GPC6: variants seen among roughly 807,000 people sequenced by gnomAD.
GPC6 encodes glypican-6.
GPC6 carries 14 observed loss-of-function variants against 55.2 expected under a neutral mutation model. The ratio of observed to expected loss-of-function variants is 0.25; its 90% CI spans 0.17 to 0.40. GPC6 has a LOEUF of 0.40. Among genes scored for constraint, GPC6 ranks in the 10% least tolerant of loss-of-function variants. GPC6 has a pLI of 1.00. For missense variants in GPC6, 641 were observed against 708.5 expected, an observed-to-expected ratio of 0.90 and a Z score of 1.08; for synonymous variants, 278 against 259.6, an observed-to-expected ratio of 1.07 and a Z score of -0.68.
chr13:94,177,033 A>G (rs4142203), intron 4 of GPC6, among the ~76,000 whole-genome samples: 118,455 of 152,158 alleles, frequency 0.78, 47,430 homozygotes, highest in Middle Eastern at 0.88. Context: ...ACTTGCAAAT[A>G]TAAGGTTATA....
chr13:93,838,570 G>A (rs1887829089), intron 3 of GPC6, among the ~76,000 whole-genome samples: 1 of 152,280 alleles, frequency 6.6e-6, no homozygotes, highest in East Asian at 1.9e-4. Flanking sequence ...TGGACCACCA[G>A]CTAAGATTTT....
chr13:93,660,697 C>A (rs1308793896), intron 2 of GPC6, among the ~76,000 whole-genome samples: 1 of 152,138 alleles, frequency 6.6e-6, no homozygotes, highest in Non-Finnish European at 1.5e-5. Context: ...TAGATTTGGG[C>A]TGAGGGTGAG....
intron 4 of GPC6, among the ~76,000 whole-genome samples, chr13:94,037,203 A>G (rs538521078): frequency 2.2e-4 from 34 of 152,112 alleles, no homozygotes; most frequent in African/African-American, 7.9e-4. Context: ...AATGAAACAC[A>G]TATGTCCATT....
chr13:93,696,372 C>T (rs1235309383), intron 2 of GPC6, among the ~76,000 whole-genome samples: 1 of 152,110 alleles, frequency 6.6e-6, no homozygotes, highest in African/African-American at 2.4e-5. Context: ...AAATAATCCA[C>T]ATACTAAATA....
At chr13:94,130,645 G>A (rs940273462) in intron 4 of GPC6, among the ~76,000 whole-genome samples, 1 of 152,082 alleles carries the variant, frequency 6.6e-6, no homozygotes, top group Non-Finnish European at 1.5e-5. Context: ...ATGAAGTCAA[G>A]TAACACCCAG....
At position 94,292,812 on chromosome 13, in the gene GPC6, A is replaced by G. The variant is rs1213341599; in HGVS notation, c.1008+6333A>G. 3.9e-5 allele frequency among the ~76,000 whole-genome samples: 6 copies of G among 152,160 alleles called. No homozygotes were observed. In the South Asian group the frequency reaches 8.3e-4, roughly 21 times the overall value. The stretch of plus-strand genomic sequence containing the variant: ...AAGAAAAGATTTATTCTCACCAAGT[A>G]TGTTCATGCTTCAGTCTTGTCTCAG... On this transcript the variant is annotated intron_variant, in intron 5 of 8. Coordinates refer to ENST00000377047, the MANE Select transcript of GPC6 (RefSeq NM_005708.5).
rs552989677 is a variant in GPC6, at chr13:94,180,329, T to C, written c.878-106020T>C. Among the ~76,000 whole-genome samples, 39 of 152,322 alleles carry C rather than the reference T, an allele frequency of 2.6e-4. No homozygotes were observed. In the South Asian group the frequency reaches 7.3e-3, roughly 28 times the overall value. ...TTCTTTGGTTTGAGGCCTTACCACA[T>C]GTTTGGATCATGCTCTTCTGAATTG... On this transcript the variant is annotated intron_variant, in intron 4 of 8. Transcript: ENST00000377047.
intron 2 of GPC6, among the ~76,000 whole-genome samples, chr13:93,810,095 G>A (rs900664252): frequency 6.6e-6 from 1 of 151,988 alleles, no homozygotes; most frequent in Non-Finnish European, 1.5e-5. Context: ...TCAGGCTGGT[G>A]GCCCACCAGT....
chr13:93,940,957 A>G (rs1201519450), intron 3 of GPC6, among the ~76,000 whole-genome samples: 2 of 152,068 alleles, frequency 1.3e-5, no homozygotes, highest in Non-Finnish European at 2.9e-5. Flanking sequence ...TTTTTTCTCT[A>G]GGTGTTTGTA....
intron 3 of GPC6, among the ~76,000 whole-genome samples, chr13:94,003,442 A>G (rs1320550166): frequency 6.6e-6 from 1 of 152,234 alleles, no homozygotes; most frequent in Admixed American, 6.5e-5. Context: ...CACTGCTCTT[A>G]GCAAATAATT....
intron 6 of GPC6, among the ~76,000 whole-genome samples, chr13:94,355,300 G>A (rs916268938): frequency 8.5e-5 from 13 of 152,096 alleles, no homozygotes; most frequent in African/African-American, 2.7e-4. Context: ...TGGGATTACA[G>A]GGGTGAGCCA....
At chr13:93,515,558 TTTC>T (rs1178528417) in intron 1 of GPC6, among the ~76,000 whole-genome samples, 7 of 152,202 alleles carry the variant, frequency 4.6e-5, no homozygotes, top group Admixed American at 3.9e-4. Context: ...GAGCCTTATG[TTTC>T]TTCAATTGCA....
chr13:93,683,293 T>G (rs1205619907), intron 2 of GPC6, among the ~76,000 whole-genome samples: 1 of 152,116 alleles, frequency 6.6e-6, no homozygotes, highest in Admixed American at 6.6e-5. Flanking sequence ...ATTTCTGCTT[T>G]AATATTAAAC....
intron 1 of GPC6, among the ~76,000 whole-genome samples, chr13:93,343,258 A>G (rs1310205488): frequency 1.3e-5 from 2 of 152,062 alleles, no homozygotes; most frequent in African/African-American, 4.8e-5. Flanking sequence ...GGCAAACTCA[A>G]GGAGATATAG....
chr13:93,542,129 T>A (rs902099448), intron 1 of GPC6, among the ~76,000 whole-genome samples: 2 of 152,180 alleles, frequency 1.3e-5, no homozygotes, highest in African/African-American at 2.4e-5. Context: ...AATGCCTAGG[T>A]TTTATTCTAG....
chr13:93,610,450 G>A (rs1878415816), intron 2 of GPC6, among the ~76,000 whole-genome samples: 1 of 152,044 alleles, frequency 6.6e-6, no homozygotes, highest in Non-Finnish European at 1.5e-5. Context: ...ACTATGATTC[G>A]TACTGTGATA....
At chr13:94,142,086 G>GGC (rs2138881765) in intron 4 of GPC6, among the ~76,000 whole-genome samples, 1 of 151,866 alleles carries the variant, frequency 6.6e-6, no homozygotes, top group East Asian at 1.9e-4. Context: ...AAGTGTTCTA[G>GGC]AACATGTTGC....
chr13:93,373,505 G>T (rs1439664642), intron 1 of GPC6, among the ~76,000 whole-genome samples: 1 of 152,160 alleles, frequency 6.6e-6, no homozygotes, highest in African/African-American at 2.4e-5. Flanking sequence ...AACCAAGAAA[G>T]TATAAAGAGT....
In GPC6 at chr13:93,950,798, T is replaced by G. The variant is rs536761185; in HGVS notation, c.712-76931T>G. ...ATGATTCTGAGGCTGGGAAATTTCT[T>G]TTTTTTTTTTATTGTCAAAGCTCTT... On this transcript the variant is annotated intron_variant, in intron 3 of 8. Coordinates refer to ENST00000377047, the MANE Select transcript of GPC6 (RefSeq NM_005708.5). Among the ~76,000 whole-genome samples the G allele has an allele frequency of 2.7e-5, 4 of 147,674 alleles. No homozygotes were observed. The South Asian group carries it at 8.5e-4, about 31-fold the overall frequency.
Sources: gnomAD v4.1 joint callset for allele counts (sites outside exome capture counted in the v4.1 genomes callset) on GRCh38, gnomAD v4.1.1 for gene constraint, MANE v1.5 for transcripts, NCBI Gene and HGNC (gene_info 2026-07-23, HGNC 2026-07-21) for gene names.